The following RERE variants were observed in gnomAD, a reference collection of about 807,000 sequenced individuals.
RERE encodes the protein arginine-glutamic acid dipeptide repeats protein.
In RERE, 40 loss-of-function variants were observed where a neutral mutation model predicts 146.1. The observed-to-expected ratio is 0.27, with a 90% CI of 0.21 to 0.36. RERE has a LOEUF of 0.36. Ranked by LOEUF, RERE falls within the 10% of genes least tolerant of loss-of-function variation. RERE has a pLI of 1.00. For missense variants in RERE, 1,933 were observed against 2,138.7 expected, an observed-to-expected ratio of 0.90 and a Z score of 1.90; for synonymous variants, 1,003 against 866.0, an observed-to-expected ratio of 1.16 and a Z score of -2.78.
In RERE at chr1:8,817,325, C is replaced by CCCTGCCGTGACCTTT. The variant is rs1553152844; in HGVS notation, c.-325_-311dup. On this transcript the variant is annotated 5_prime_UTR_variant, in exon 1 of 23. Coordinates refer to ENST00000400908, the MANE Select transcript of RERE (RefSeq NM_001042681.2). ...CGACGCGGAGGGGCTGAGGGGGCTT[C>CCCTGCCGTGACCTTT]CCTGCCGTGACCTTTCCTGCGACTT... 1 of 152,054 alleles carries CCCTGCCGTGACCTTT rather than the reference C, an allele frequency of 6.6e-6. No individual in the cohort carries two copies. Among genetic ancestry groups the CCCTGCCGTGACCTTT allele is most frequent in the Non-Finnish European group, 1.5e-5 (1 of 68,098 alleles). The allele number at this position is 152,054 out of a possible 1,614,324, so 9.4% of individuals were successfully genotyped here.
chr1:8,480,743 G>T (rs376826081), intron 10 of RERE, among the ~76,000 whole-genome samples: 1 of 152,226 alleles, frequency 6.6e-6, no homozygotes, highest in African/African-American at 2.4e-5. Flanking sequence ...GCCTAAGCCT[G>T]TTTTTAAATG....
chr1:8,569,672 G>A (rs553273219), intron 4 of RERE, among the ~76,000 whole-genome samples: 2 of 152,236 alleles, frequency 1.3e-5, no homozygotes, highest in African/African-American at 2.4e-5. Context: ...CATGAAGACC[G>A]CTTGAGCCCA....
chr1:8,596,078 C>T (rs187993613), intron 4 of RERE, among the ~76,000 whole-genome samples: 3 of 152,292 alleles, frequency 2.0e-5, no homozygotes, highest in South Asian at 2.1e-4. Context: ...CACTGAAACA[C>T]GGCTACACAG....
At chr1:8,636,568 A>G (rs1647104324) in intron 2 of RERE, among the ~76,000 whole-genome samples, 1 of 151,752 alleles carries the variant, frequency 6.6e-6, no homozygotes, top group African/African-American at 2.4e-5. Flanking sequence ...AACAATAATA[A>G]TATTAAATAA....
intron 1 of RERE, among the ~76,000 whole-genome samples, chr1:8,761,329 T>C (rs1053048091): frequency 5.3e-5 from 8 of 152,170 alleles, no homozygotes; most frequent in Non-Finnish European, 1.2e-4. Flanking sequence ...TCTCAGTATC[T>C]CCATCTTAAC....
chr1:8,773,859 G>C (rs1052449600), intron 1 of RERE, among the ~76,000 whole-genome samples: 1 of 152,140 alleles, frequency 6.6e-6, no homozygotes, highest in African/African-American at 2.4e-5. Flanking sequence ...TTACAATGCT[G>C]TACATACATT....
intron 1 of RERE, among the ~76,000 whole-genome samples, chr1:8,762,455 A>AT (rs1640773268): frequency 6.6e-6 from 1 of 152,166 alleles, no homozygotes; most frequent in Non-Finnish European, 1.5e-5. Flanking sequence ...CATTTACTTA[A>AT]TTTTTTTAAA....
chr1:8,670,637 T>C (rs1345875407), intron 1 of RERE, among the ~76,000 whole-genome samples: 1 of 151,938 alleles, frequency 6.6e-6, no homozygotes, highest in African/African-American at 2.4e-5. Flanking sequence ...AGTTACATGG[T>C]TAAAGTGGGG....
chr1:8,798,937 C>T (rs1328389698), intron 1 of RERE, among the ~76,000 whole-genome samples: 1 of 152,066 alleles, frequency 6.6e-6, no homozygotes, highest in Non-Finnish European at 1.5e-5. Flanking sequence ...GGTGATCCAC[C>T]CGCCTCAGCC....
At chr1:8,639,064 C>A (rs895811307) in intron 2 of RERE, among the ~76,000 whole-genome samples, 1 of 151,930 alleles carries the variant, frequency 6.6e-6, no homozygotes, top group Non-Finnish European at 1.5e-5. Context: ...TGAGCCACCG[C>A]GCCCAGCCAA....
Position 8,736,137 on chromosome 1 carries a change from G to C in RERE, c.-144-79696C>G, listed in dbSNP as rs547603660. On this transcript the variant is annotated intron_variant, in intron 1 of 22. Coordinates refer to ENST00000400908, the MANE Select transcript of RERE (RefSeq NM_001042681.2). ...CTGTAGAATCTAAACGGTGAGTGCA[G>C]GGGTGCTCTCACTATCATAATTCCT... Among the ~76,000 whole-genome samples the C allele has an allele frequency of 3.9e-5, 6 of 152,274 alleles. No individual in the cohort carries two copies. The East Asian group carries it at 7.7e-4, about 20-fold the overall frequency.
chr1:8,567,100 A>G (rs1198145298), intron 4 of RERE, among the ~76,000 whole-genome samples: 1 of 152,088 alleles, frequency 6.6e-6, no homozygotes, highest in Non-Finnish European at 1.5e-5. Context: ...GAACTAGCAT[A>G]ATGAATTTTT....
intron 11 of RERE, among the ~76,000 whole-genome samples, chr1:8,447,673 C>T (rs1644339129): frequency 6.6e-6 from 1 of 152,204 alleles, no homozygotes. Context: ...CACTTTTATG[C>T]AGAGGTAAAA....
intron 12 of RERE, among the ~76,000 whole-genome samples, chr1:8,389,745 C>T (rs1419577576): frequency 7.9e-5 from 12 of 152,178 alleles, no homozygotes; most frequent in Admixed American, 7.9e-4. Context: ...ATAAATGAAG[C>T]CCCAACTGTA....
chr1:8,362,550 A>T (rs1347965050), intron 16 of RERE, 133 bp downstream of exon 16: 3 of 1,217,594 alleles, frequency 2.5e-6, no homozygotes, highest in Admixed American at 2.0e-5. Flanking sequence ...GGCCAGGACA[A>T]TGCTGGTGTC....
chr1:8,490,053 C>CAAA (rs1252869517), intron 10 of RERE, among the ~76,000 whole-genome samples: 1 of 71,246 alleles, frequency 1.4e-5, no homozygotes. Flanking sequence ...GACTCTGTCT[C>CAAA]AAAAAAAAAA....
At chr1:8,689,771 A>G (rs1639170442) in intron 1 of RERE, among the ~76,000 whole-genome samples, 1 of 150,776 alleles carries the variant, frequency 6.6e-6, no homozygotes, top group South Asian at 2.1e-4. Context: ...CAATGGATAC[A>G]GGAAAAAAAA....
At chr1:8,703,435 C>G (rs1476715180) in intron 1 of RERE, among the ~76,000 whole-genome samples, 1 of 151,784 alleles carries the variant, frequency 6.6e-6, no homozygotes, top group African/African-American at 2.4e-5. Context: ...AGAGCAGACT[C>G]CCCGCGACGG....
intron 7 of RERE, among the ~76,000 whole-genome samples, chr1:8,521,395 A>G (rs928153333): frequency 1.3e-5 from 2 of 152,154 alleles, no homozygotes; most frequent in African/African-American, 4.8e-5. Flanking sequence ...TAATCCTACT[A>G]TTTTGGGAGG....
Sources: allele counts gnomAD v4.1 joint callset (sites outside exome capture counted in the v4.1 genomes callset), GRCh38; gene constraint gnomAD v4.1.1; transcripts MANE v1.5; gene names NCBI Gene and HGNC (gene_info 2026-07-23, HGNC 2026-07-21).